The following INPP4B variants were observed in gnomAD, a reference collection of about 807,000 sequenced individuals.
INPP4B encodes inositol polyphosphate-4-phosphatase type II B.
Under a neutral mutation model 122.5 loss-of-function variants are expected in INPP4B, and 55 were observed. The ratio of observed to expected loss-of-function variants is 0.45; its 90% CI spans 0.36 to 0.56. The LOEUF (loss-of-function observed/expected upper bound fraction) is 0.56. INPP4B is among the 20% of genes least tolerant of loss of function. INPP4B has a pLI of 0.00. For synonymous variants in INPP4B, 403 were observed against 388.7 expected, an observed-to-expected ratio of 1.04 and a Z score of -0.43; for missense variants, 1,000 against 1,097.7, an observed-to-expected ratio of 0.91 and a Z score of 1.26.
At chr4:142,630,603 A>G (rs996511016) in intron 2 of INPP4B, among the ~76,000 whole-genome samples, 8 of 122,844 alleles carry the variant, frequency 6.5e-5, no homozygotes, top group African/African-American at 1.9e-4. Flanking sequence ...ACTGCATTTT[A>G]AGTCTTTTCA....
intron 1 of INPP4B, among the ~76,000 whole-genome samples, chr4:142,788,579 T>A (rs896441836): frequency 6.6e-6 from 1 of 152,114 alleles, no homozygotes; most frequent in Non-Finnish European, 1.5e-5. Flanking sequence ...CCAAGCAGTA[T>A]ACACTGCACA....
chr4:142,354,247 A>G (rs149469117), intron 7 of INPP4B, among the ~76,000 whole-genome samples: 122 of 152,078 alleles, frequency 8.0e-4, no homozygotes, highest in African/African-American at 2.8e-3. Context: ...GGCTCAGCAA[A>G]TGTGTATGCT....
intron 3 of INPP4B, among the ~76,000 whole-genome samples, chr4:142,448,427 C>A (rs1384393810): frequency 6.8e-6 from 1 of 147,496 alleles, no homozygotes; most frequent in Admixed American, 6.8e-5. Context: ...CACGTCACAA[C>A]AATGTCACAA....
At chr4:142,282,887 AT>A (rs1301998472) in intron 9 of INPP4B, among the ~76,000 whole-genome samples, 2 of 152,108 alleles carry the variant, frequency 1.3e-5, no homozygotes, top group East Asian at 3.9e-4. Flanking sequence ...ACATCTTAGC[AT>A]TCTGATTACC....
intron 1 of INPP4B, among the ~76,000 whole-genome samples, chr4:142,776,263 T>C (rs1341863104): frequency 1.3e-5 from 2 of 152,170 alleles, no homozygotes; most frequent in African/African-American, 4.8e-5. Context: ...GAAGTAGTGC[T>C]GCTCAGTATG....
intron 21 of INPP4B, among the ~76,000 whole-genome samples, 193 bp downstream of exon 21, chr4:142,121,935 T>G (rs761648324): frequency 2.0e-5 from 3 of 152,048 alleles, no homozygotes; most frequent in Non-Finnish European, 4.4e-5. Flanking sequence ...TTTAAAACAT[T>G]CATGAGACTT....
intron 2 of INPP4B, among the ~76,000 whole-genome samples, chr4:142,606,540 TA>T (rs1741310961): frequency 6.6e-6 from 1 of 151,936 alleles, no homozygotes; most frequent in African/African-American, 2.4e-5. Flanking sequence ...AATTTTTATA[TA>T]TCAATAAAAG....
intron 2 of INPP4B, among the ~76,000 whole-genome samples, chr4:142,630,536 C>A (rs1249361593): frequency 2.0e-5 from 3 of 151,984 alleles, no homozygotes; most frequent in Non-Finnish European, 2.9e-5. Context: ...CTGGTTAATA[C>A]AAATTAATAC....
chr4:142,171,297 T>C (rs1825521548), intron 16 of INPP4B, among the ~76,000 whole-genome samples: 1 of 151,800 alleles, frequency 6.6e-6, no homozygotes, highest in Non-Finnish European at 1.5e-5. Context: ...TGAATATAGA[T>C]AACTCCTTAA....
chr4:142,532,971 T>G (rs1415560029), intron 2 of INPP4B, among the ~76,000 whole-genome samples: 1 of 152,174 alleles, frequency 6.6e-6, no homozygotes, highest in African/African-American at 2.4e-5. Context: ...TTAGAGTTTT[T>G]AAATATTAAT....
At chr4:142,794,522 A>C (rs947297692) in intron 1 of INPP4B, among the ~76,000 whole-genome samples, 1 of 152,026 alleles carries the variant, frequency 6.6e-6, no homozygotes, top group East Asian at 1.9e-4. Context: ...GAAAGTTTAC[A>C]ATTTTAAAAA....
intron 11 of INPP4B, among the ~76,000 whole-genome samples, chr4:142,248,419 C>G (rs567098389): frequency 1.9e-4 from 27 of 143,702 alleles, no homozygotes; most frequent in Non-Finnish European, 4.1e-4. Context: ...CTCACTGCAA[C>G]CTCCGCCTCC....
At chr4:142,100,702 C>T (rs1195494721) in intron 23 of INPP4B, among the ~76,000 whole-genome samples, 1 of 152,100 alleles carries the variant, frequency 6.6e-6, no homozygotes, top group African/African-American at 2.4e-5. Context: ...TTGACCTCCT[C>T]CTCAAAGTTT....
At chr4:142,818,687 G>A (rs1480957887) in intron 1 of INPP4B, among the ~76,000 whole-genome samples, 3 of 151,976 alleles carry the variant, frequency 2.0e-5, no homozygotes, top group Non-Finnish European at 4.4e-5. Context: ...GCCTCTATAC[G>A]CTTTCAAGTG....
intron 12 of INPP4B, among the ~76,000 whole-genome samples, chr4:142,234,225 C>T (rs933266173): frequency 5.3e-5 from 8 of 152,164 alleles, no homozygotes; most frequent in African/African-American, 1.9e-4. Context: ...TCTTTTCTCT[C>T]ATCCATTTGA....
intron 1 of INPP4B, among the ~76,000 whole-genome samples, chr4:142,749,909 C>A (rs1040369661): frequency 1.3e-5 from 2 of 151,718 alleles, no homozygotes; most frequent in Admixed American, 1.3e-4. Context: ...ATCAGAGCCA[C>A]ACAATAATAG....
At chr4:142,037,922 T>C (rs1461438005) in intron 25 of INPP4B, among the ~76,000 whole-genome samples, 1 of 152,142 alleles carries the variant, frequency 6.6e-6, no homozygotes, top group Non-Finnish European at 1.5e-5. Context: ...ACGTACACCT[T>C]TTCTAGATGA....
chr4:142,377,150 A>G (rs1792222737), intron 7 of INPP4B, among the ~76,000 whole-genome samples: 1 of 151,992 alleles, frequency 6.6e-6, no homozygotes, highest in Non-Finnish European at 1.5e-5. Flanking sequence ...AGGAAAAAAA[A>G]AATTTTTAAA....
intron 2 of INPP4B, among the ~76,000 whole-genome samples, chr4:142,673,551 C>T (rs907415810): frequency 9.2e-5 from 14 of 152,070 alleles, no homozygotes; most frequent in Admixed American, 2.0e-4. Context: ...CCAATGTTAA[C>T]GGTAAATACA....
Sources: allele counts gnomAD v4.1 joint callset (sites outside exome capture counted in the v4.1 genomes callset), GRCh38; gene constraint gnomAD v4.1.1; transcripts MANE v1.5; gene names NCBI Gene and HGNC (gene_info 2026-07-23, HGNC 2026-07-21).